CTNNA2: variants seen among roughly 807,000 people sequenced by gnomAD.
The protein encoded by CTNNA2 is catenin alpha-2.
A neutral mutation model predicts 101.0 loss-of-function variants in CTNNA2; 42 were observed. The observed-to-expected ratio is 0.42, with a 90% CI of 0.32 to 0.54. The LOEUF (loss-of-function observed/expected upper bound fraction) is 0.54. Among genes scored for constraint, CTNNA2 ranks in the 20% least tolerant of loss-of-function variants. The probability of loss-of-function intolerance (pLI) is 0.14; values close to 1 mark genes in which losing one functional copy is unlikely to be tolerated. For synonymous variants in CTNNA2, 450 were observed against 456.4 expected, an observed-to-expected ratio of 0.99 and a Z score of 0.18; for missense variants, 871 against 1,223.1, an observed-to-expected ratio of 0.71 and a Z score of 4.29.
chr2:79,973,444 G>A (rs1332063994), intron 7 of CTNNA2, among the ~76,000 whole-genome samples: 1 of 152,100 alleles, frequency 6.6e-6, no homozygotes, highest in Non-Finnish European at 1.5e-5. Context: ...GTAGAGGAGA[G>A]AAAAACAGAG....
chr2:79,508,955 G>GTATA (rs530470576), upstream of CTNNA2, among the ~76,000 whole-genome samples: 2 of 90,960 alleles, frequency 2.2e-5, no homozygotes, highest in African/African-American at 4.0e-5. Context: ...CACCATTGCA[G>GTATA]TATATATATA....
intron 2 of CTNNA2, among the ~76,000 whole-genome samples, chr2:79,201,188 A>G (rs1344570512): frequency 6.6e-6 from 1 of 152,158 alleles, no homozygotes; most frequent in Non-Finnish European, 1.5e-5. Context: ...AGAGCTGGTC[A>G]AATGCAATGG....
At chr2:79,543,860 C>G (rs147615334) in intron 1 of CTNNA2, among the ~76,000 whole-genome samples, 1 of 152,086 alleles carries the variant, frequency 6.6e-6, no homozygotes, top group African/African-American at 2.4e-5. Context: ...TTAAATTTCT[C>G]GTTATAAAAT....
At chr2:79,794,416 T>C (rs1276880230) in intron 3 of CTNNA2, among the ~76,000 whole-genome samples, 1 of 152,200 alleles carries the variant, frequency 6.6e-6, no homozygotes, top group African/African-American at 2.4e-5. Flanking sequence ...TATTCATTTA[T>C]TACATATAAA....
At chr2:79,258,615 AT>A (rs2104283088) in intron 2 of CTNNA2, among the ~76,000 whole-genome samples, 1 of 152,294 alleles carries the variant, frequency 6.6e-6, no homozygotes, top group Non-Finnish European at 1.5e-5. Context: ...AATGGAAAAA[AT>A]GTTTTTCAGA....
chr2:80,612,983 C>G (rs912517912), intron 17 of CTNNA2: 4 of 151,460 alleles, frequency 2.6e-5, no homozygotes, highest in African/African-American at 7.3e-5. Context: ...GGAAAAGTTG[C>G]AGTGTCCAAA....
chr2:79,838,678 G>A (rs1679569726), intron 3 of CTNNA2, among the ~76,000 whole-genome samples: 1 of 152,030 alleles, frequency 6.6e-6, no homozygotes, highest in South Asian at 2.1e-4. Context: ...CTTACACTAA[G>A]CACTCTTGTA....
intron 1 of CTNNA2, among the ~76,000 whole-genome samples, chr2:79,632,929 T>G (rs1171499847): frequency 2.0e-5 from 3 of 152,018 alleles, no homozygotes; most frequent in Non-Finnish European, 4.4e-5. Context: ...GCAACTAGAG[T>G]ATAGATGGCA....
intron 7 of CTNNA2, among the ~76,000 whole-genome samples, chr2:80,180,678 A>G (rs1053028689): frequency 2.6e-5 from 4 of 152,104 alleles, no homozygotes; most frequent in African/African-American, 9.7e-5. Context: ...TCACATATCT[A>G]TTTTGCAAAG....
At chr2:79,428,029 G>C (rs1173841537) in intron 4 of CTNNA2, among the ~76,000 whole-genome samples, 1 of 151,918 alleles carries the variant, frequency 6.6e-6, no homozygotes, top group Non-Finnish European at 1.5e-5. Flanking sequence ...GCCTTTCTGG[G>C]GCTCCCTTTC....
chr2:80,088,029 A>G (rs1699556005), intron 7 of CTNNA2, among the ~76,000 whole-genome samples: 1 of 152,026 alleles, frequency 6.6e-6, no homozygotes, highest in Non-Finnish European at 1.5e-5. Flanking sequence ...AGGAACTACC[A>G]GTTCTGAGAC....
At chr2:79,569,989 T>C (rs1481403228) in intron 1 of CTNNA2, among the ~76,000 whole-genome samples, 1 of 152,174 alleles carries the variant, frequency 6.6e-6, no homozygotes, top group East Asian at 1.9e-4. Context: ...ACAGTCCTCA[T>C]AGTACAACAG....
chr2:79,769,113 C>G (rs1673389992), intron 3 of CTNNA2, among the ~76,000 whole-genome samples: 1 of 152,094 alleles, frequency 6.6e-6, no homozygotes, highest in African/African-American at 2.4e-5. Flanking sequence ...GCTCGGCCTC[C>G]CAAAGTGCTG....
intron 2 of CTNNA2, among the ~76,000 whole-genome samples, chr2:79,208,590 G>T (rs1274754348): frequency 1.3e-5 from 2 of 152,144 alleles, no homozygotes; most frequent in African/African-American, 4.8e-5. Context: ...AGGTAAGTGT[G>T]GTGTAATTGC....
At chr2:79,414,574 C>T (rs1001254607) in intron 4 of CTNNA2, among the ~76,000 whole-genome samples, 21 of 152,094 alleles carry the variant, frequency 1.4e-4, no homozygotes, top group Non-Finnish European at 2.5e-4. Flanking sequence ...GGATTCTCTA[C>T]AGATGCTCCC....
intron 9 of CTNNA2, among the ~76,000 whole-genome samples, chr2:80,455,507 G>A (rs1683894155): frequency 6.6e-6 from 1 of 152,160 alleles, no homozygotes; most frequent in South Asian, 2.1e-4. Flanking sequence ...GGGTCTCCAC[G>A]GCATTAGGTC....
At chr2:80,020,810 G>T (rs1694502143) in intron 7 of CTNNA2, among the ~76,000 whole-genome samples, 1 of 151,994 alleles carries the variant, frequency 6.6e-6, no homozygotes, top group Non-Finnish European at 1.5e-5. Context: ...AAAAATTGGA[G>T]AAGAAAGAAT....
intron 1 of CTNNA2, among the ~76,000 whole-genome samples, chr2:79,557,357 G>T (rs576202418): frequency 6.6e-6 from 1 of 151,932 alleles, no homozygotes; most frequent in South Asian, 2.1e-4. Context: ...AATGTGATGA[G>T]TGAGCTCTGA....
intron 1 of CTNNA2, among the ~76,000 whole-genome samples, chr2:79,599,332 C>A (rs543434137): frequency 9.9e-5 from 15 of 152,126 alleles, no homozygotes; most frequent in African/African-American, 3.6e-4. Context: ...GAAAAACAAA[C>A]CTATAAGTAT....
Sources: gnomAD v4.1 joint callset for allele counts (sites outside exome capture counted in the v4.1 genomes callset) on GRCh38, gnomAD v4.1.1 for gene constraint, MANE v1.5 for transcripts, NCBI Gene and HGNC (gene_info 2026-07-23, HGNC 2026-07-21) for gene names.